Variants in SMPX observed in about 807,000 individuals in gnomAD.
SMPX encodes small muscular protein.
Under a neutral mutation model 6.3 loss-of-function variants are expected in SMPX, and 2 were observed. That is an observed-to-expected ratio of 0.32 (90% confidence interval 0.13 to 0.99). The LOEUF is 0.99. SMPX is among the 50% of genes least tolerant of loss of function. The pLI is 0.49. For synonymous variants in SMPX, 32 were observed against 24.7 expected (o/e 1.30, Z -0.88); for missense variants, 60 against 66.8 (o/e 0.90, Z 0.36).
chrX:21,755,064 C>A (rs1246429982), intron 1 of SMPX, among the ~76,000 whole-genome samples: 3 of 112,478 alleles, frequency 2.7e-5, no homozygotes, highest in African/African-American at 9.7e-5. Flanking sequence ...CTTTTGCTTT[C>A]TTTAAGCATG....
chrX:21,744,606 T>A (rs927194942), intron 2 of SMPX, among the ~76,000 whole-genome samples: 4 of 112,375 alleles, frequency 3.6e-5, no homozygotes, highest in African/African-American at 1.3e-4. Flanking sequence ...TTGCCCATAC[T>A]TATTTGATGT....
At chrX:21,727,248 T>A (rs965604996) in intron 4 of SMPX, 1 of 112,437 alleles carries the variant, frequency 8.9e-6, no homozygotes, top group Non-Finnish European at 1.9e-5. Context: ...AACTAGCCCA[T>A]GTACAAAATG....
At chrX:21,718,840 C>G (rs2092788234) in intron 4 of SMPX, among the ~76,000 whole-genome samples, 1 of 112,018 alleles carries the variant, frequency 8.9e-6, no homozygotes, top group African/African-American at 3.3e-5. Flanking sequence ...ACTAGTTAAG[C>G]TGAGCAGACA....
chrX:21,710,847 C>T (rs2092777941), intron 4 of SMPX, among the ~76,000 whole-genome samples: 1 of 111,668 alleles, frequency 9.0e-6, no homozygotes, highest in African/African-American at 3.3e-5. Flanking sequence ...GTGCCAGGAA[C>T]TCCACCAACT....
intron 3 of SMPX, 53 bp downstream of exon 3, chrX:21,743,697 G>A: frequency 9.4e-7 from 1 of 1,060,931 alleles, no homozygotes; most frequent in Non-Finnish European, 1.3e-6. Context: ...CCTCTGGTGA[G>A]GATTTTAGAA....
chrX:21,744,434 C>T (rs371951285), intron 2 of SMPX, among the ~76,000 whole-genome samples: 129 of 111,991 alleles, frequency 1.2e-3, no homozygotes, highest in African/African-American at 3.9e-3. Context: ...AAGTTCCCTT[C>T]GTATCACCAC....
intron 4 of SMPX, among the ~76,000 whole-genome samples, chrX:21,736,789 T>C (rs1698484455): frequency 9.0e-6 from 1 of 110,743 alleles, no homozygotes; most frequent in African/African-American, 3.3e-5. Flanking sequence ...TGGAAAAGGG[T>C]AGATTTGCTC....
intron 4 of SMPX, among the ~76,000 whole-genome samples, chrX:21,721,745 ACT>A (rs2092791938): frequency 8.9e-6 from 1 of 112,222 alleles, no homozygotes; most frequent in Non-Finnish European, 1.9e-5. Flanking sequence ...CTGCTGCCTG[ACT>A]CTGTAACTAA....
chrX:21,715,262 CTGTGTG>C (rs34947234), intron 4 of SMPX, among the ~76,000 whole-genome samples: 15,920 of 94,414 alleles, frequency 0.17, 1,331 homozygotes, highest in African/African-American at 0.3. Flanking sequence ...TCACTCTGCT[CTGTGTG>C]TGTGTGTGTG....
chrX:21,706,179 G>T lies in SMPX; in HGVS notation c.*230C>A, dbSNP rs1377225341. ...CCCTCCTCAAAACCACACCCTCCAG[G>T]TGTTGAATTTATGGGCTAATTTGTT... On this transcript the variant is annotated 3_prime_UTR_variant, in exon 5 of 5. Transcript: ENST00000379494. 2.0e-6 allele frequency: 1 copy of T among 511,599 alleles called. No individual in the cohort carries two copies. Among genetic ancestry groups the T allele is most frequent in the Non-Finnish European group, 3.5e-6 (1 of 285,679 alleles). 42.2% of individuals were successfully genotyped at this position (511,599 alleles called of 1,213,427 possible).
chrX:21,742,109 C>T (rs1026235651), intron 3 of SMPX, among the ~76,000 whole-genome samples: 1 of 112,215 alleles, frequency 8.9e-6, no homozygotes, highest in South Asian at 3.7e-4. Flanking sequence ...ACAGCTGTTA[C>T]ATCAGTCAAT....
intron 3 of SMPX, among the ~76,000 whole-genome samples, chrX:21,738,894 C>T (rs916339783): frequency 1.9e-4 from 21 of 111,178 alleles, no homozygotes; most frequent in African/African-American, 6.5e-4. Context: ...CGGGCAACTC[C>T]CTCCCATTTT....
intron 4 of SMPX, among the ~76,000 whole-genome samples, chrX:21,719,790 G>A (rs1371178161): frequency 1.8e-5 from 2 of 112,120 alleles, no homozygotes; most frequent in Non-Finnish European, 3.8e-5. Flanking sequence ...TATGCACTGT[G>A]CTTATGTGCT....
intron 3 of SMPX, among the ~76,000 whole-genome samples, chrX:21,741,835 C>A (rs1252091136): frequency 1.8e-5 from 2 of 111,774 alleles, no homozygotes; most frequent in Non-Finnish European, 3.8e-5. Context: ...TTTGTGGATA[C>A]ATCACTACCT....
rs781679413 is a variant in SMPX at position 21,754,231 on chromosome X, T to G, written c.45+15A>C. ...CTTATTAAGCAACCAGGCAAGAAGTTGCAGGGCTACTTACCTGGATGGCTC... is the reference window on the plus strand; with the variant it reads ...CTTATTAAGCAACCAGGCAAGAAGTGGCAGGGCTACTTACCTGGATGGCTC... On this transcript the variant is annotated intron_variant, in intron 2 of 4. Transcript: ENST00000379494. The G allele has an allele frequency of 1.7e-6, 2 of 1,201,895 alleles. No individual in the cohort carries two copies. The highest frequency in any genetic ancestry group is 4.3e-5 in the Admixed American group (2 of 46,060).
chrX:21,722,407 C>T (rs942035416), intron 4 of SMPX, among the ~76,000 whole-genome samples: 2 of 111,743 alleles, frequency 1.8e-5, no homozygotes, highest in African/African-American at 6.5e-5. Context: ...AGAAAAATGA[C>T]TTCATTATTC....
chrX:21,727,402 G>A (rs1365844718), intron 4 of SMPX: 1 of 111,822 alleles, frequency 8.9e-6, no homozygotes, highest in African/African-American at 3.3e-5. Flanking sequence ...CCAAAATTGG[G>A]GGATCAGGTA....
intron 1 of SMPX, among the ~76,000 whole-genome samples, chrX:21,757,004 T>A (rs940403998): frequency 8.9e-6 from 1 of 111,953 alleles, no homozygotes; most frequent in Non-Finnish European, 1.9e-5. Context: ...ATATCCCTGC[T>A]TGTCTTTGAT....
intron 2 of SMPX, among the ~76,000 whole-genome samples, chrX:21,746,650 GT>G (rs11420880): frequency 0.25 from 21,912 of 86,105 alleles, 2,222 homozygotes; most frequent in East Asian, 0.49. Flanking sequence ...ACTTAAATGG[GT>G]TTTTTTTTTT....
Sources: allele counts gnomAD v4.1 joint callset (sites outside exome capture counted in the v4.1 genomes callset), GRCh38; gene constraint gnomAD v4.1.1; transcripts MANE v1.5; gene names NCBI Gene and HGNC (gene_info 2026-07-23, HGNC 2026-07-21).